Variants in WDR33 observed in about 807,000 individuals in gnomAD.
WDR33 encodes pre-mRNA 3' end processing protein WDR33.
Under a neutral mutation model 164.9 loss-of-function variants are expected in WDR33, and 47 were observed. That is an observed-to-expected ratio of 0.29 (90% CI 0.23 to 0.36). WDR33 has a LOEUF of 0.36. Ranked by LOEUF, WDR33 falls within the 10% of genes least tolerant of loss-of-function variation. The probability of loss-of-function intolerance (pLI) is 1.00; values close to 1 mark genes in which losing one functional copy is unlikely to be tolerated. For synonymous variants in WDR33, 505 were observed against 589.0 expected (o/e 0.86, Z 2.06); for missense variants, 1,137 against 1,754.1 (o/e 0.65, Z 6.28).
chr2:127,775,479 G>T (rs79662311), intron 1 of WDR33, among the ~76,000 whole-genome samples: 11,556 of 152,292 alleles, frequency 0.076, 456 homozygotes, highest in Non-Finnish European at 0.092. Flanking sequence ...GTGAGCCATC[G>T]TGCCTGGCCC....
rs1244177586 is a variant in WDR33 at position 127,724,992 on chromosome 2, C to T, written c.1007-27G>A. The T allele has an allele frequency of 1.9e-6, 3 of 1,614,158 alleles. No homozygotes were observed. In the Admixed American group the frequency reaches 5.0e-5, roughly 27 times the overall value. ...TGCAGAACAAAAACATGGGAAAAGA[C>T]ACAATTATCAGGATCTGAGAATGTT... On this transcript the variant is annotated intron_variant, in intron 9 of 21. Transcript: ENST00000322313. The surrounding 1 kb of genome is among the most constrained non-coding windows in gnomAD (Gnocchi z 4.8).
chr2:127,717,032 C>A lies in WDR33; in HGVS notation c.2869+123G>T. ...AAAGCTCCTACCTGAATGACCACAC[C>A]CTTATTTTGCCCAGAGGTTCAAATG... On this transcript the variant is annotated intron_variant, in intron 17 of 21. Transcript: ENST00000322313. The surrounding 1 kb of genome is among the most constrained non-coding windows in gnomAD (Gnocchi z 5.6). 2 of 965,274 alleles carry A rather than the reference C, an allele frequency of 2.1e-6. No homozygotes were observed. The highest frequency in any genetic ancestry group is 1.5e-5 in the South Asian group (1 of 68,964). 59.8% of individuals were successfully genotyped at this position (965,274 alleles called of 1,614,324 possible). A position where few individuals can be genotyped will look rare whatever the true frequency, so the allele number is the denominator to read the frequency against.
intron 1 of WDR33, chr2:127,810,680 T>A (rs1379571996): frequency 1.3e-5 from 2 of 152,238 alleles, no homozygotes; most frequent in African/African-American, 4.8e-5. Context: ...TTCTTTCCAC[T>A]CCCGCCCCAA....
chr2:127,747,701 C>T (rs756123867), intron 7 of WDR33, among the ~76,000 whole-genome samples: 6 of 152,142 alleles, frequency 3.9e-5, no homozygotes, highest in South Asian at 2.1e-4. Context: ...CCAATTGCTC[C>T]GTTTTGTAAA....
In WDR33 at chr2:127,718,568, T is replaced by C. The variant is rs1686350423; in HGVS notation, c.2760+697A>G. ...GAGCTCAGCGCATGAGCAATAAAAA[T>C]TGGCTAACAAAAACAGAATCCTCAA... On this transcript the variant is annotated intron_variant, in intron 16 of 21. Transcript: ENST00000322313. This position sits in a 1 kb window ranked among gnomAD's most constrained non-coding sequence, Gnocchi z 4.4. Among the ~76,000 whole-genome samples the C allele has an allele frequency of 1.3e-5, 2 of 152,126 alleles. No individual in the cohort carries two copies. The highest frequency in any genetic ancestry group is 4.8e-5 in the African/African-American group (2 of 41,422).
In WDR33 at chr2:127,763,137, A is replaced by C; in HGVS notation, c.649T>G (p.Phe217Val). Residue 217 changes from phenylalanine (F) to valine (V), a missense_variant, in exon 7 of 22, where the codon TTT (phenylalanine) becomes GTT (valine). Around this residue, in one of 9 missense-constraint regions of WDR33, gnomAD observed 83 missense variants for 189.2 expected, o/e 0.44. Transcript: ENST00000322313. The surrounding 1 kb of genome is among the most constrained non-coding windows in gnomAD (Gnocchi z 4.5). ...EASFSPTDNK[F>V]ATCSDDGTVR... ...GTGCCGTCATCAGAGCATGTAGCAA[A>C]TTTATTATCCGTGGGTGAGAAACTG... 1.2e-6 allele frequency: 2 copies of C among 1,614,082 alleles called. No homozygotes were observed. The highest frequency in any genetic ancestry group is 1.7e-6 in the Non-Finnish European group (2 of 1,179,928).
intron 1 of WDR33, among the ~76,000 whole-genome samples, chr2:127,802,536 C>T (rs1689290607): frequency 6.6e-6 from 1 of 152,130 alleles, no homozygotes; most frequent in African/African-American, 2.4e-5. Context: ...CCCCCCTCGG[C>T]CTCCCAAAGT....
intron 1 of WDR33, among the ~76,000 whole-genome samples, chr2:127,793,704 A>G (rs987472586): frequency 9.9e-5 from 15 of 152,130 alleles, no homozygotes; most frequent in Non-Finnish European, 1.9e-4. Flanking sequence ...TCATGCCACT[A>G]TACTCCAGCC....
At chr2:127,758,263 A>T (rs775647931) in intron 7 of WDR33, among the ~76,000 whole-genome samples, 1 of 152,192 alleles carries the variant, frequency 6.6e-6, no homozygotes, top group South Asian at 2.1e-4. Context: ...AATTCTGTCA[A>T]TTACAGCTTA....
intron 1 of WDR33, among the ~76,000 whole-genome samples, chr2:127,776,295 C>T (rs1022379899): frequency 7.2e-5 from 11 of 152,198 alleles, no homozygotes; most frequent in African/African-American, 2.4e-4. Flanking sequence ...CTCAGACTTT[C>T]AGCCTCCAGA....
At chr2:127,782,727 G>A (rs1046172143) in intron 1 of WDR33, among the ~76,000 whole-genome samples, 3 of 152,050 alleles carry the variant, frequency 2.0e-5, no homozygotes, top group Non-Finnish European at 4.4e-5. Context: ...TATACAGCAG[G>A]AGCCAGGAGC....
Position 127,769,005 on chromosome 2 carries a change from T to TTGAA in WDR33, c.205-5_205-4insTTCA. On this transcript the variant is annotated splice_region_variant and splice_polypyrimidine_tract_variant and intron_variant, in intron 2 of 21. Transcript: ENST00000322313. ...GGTCTCTTTGCCATATTCTGTTCTG[T>TTGAA]TAAATAAATAAATAAATAAATAAAT... is the stretch of plus-strand genomic sequence containing the variant. 1.1e-6 allele frequency: 1 copy of TTGAA among 911,378 alleles called. No homozygotes were observed. The highest frequency in any genetic ancestry group is 1.5e-6 in the Non-Finnish European group (1 of 660,694). The allele number at this position is 911,378 out of a possible 1,614,324, so 56.5% of individuals were successfully genotyped here.
At chr2:127,737,133 T>C in intron 7 of WDR33, 1 of 985,452 alleles carries the variant, frequency 1.0e-6, no homozygotes, top group South Asian at 4.7e-5. Context: ...TTTACATTTT[T>C]TTAAAGGCTA....
intron 1 of WDR33, among the ~76,000 whole-genome samples, chr2:127,788,237 G>A (rs1429174280): frequency 7.4e-6 from 1 of 135,954 alleles, no homozygotes; most frequent in Non-Finnish European, 1.6e-5. Context: ...CGGCTGGCCA[G>A]GCAGGGGGCT....
chr2:127,803,417 T>C (rs1274759431), intron 1 of WDR33, among the ~76,000 whole-genome samples: 3 of 151,902 alleles, frequency 2.0e-5, no homozygotes, highest in Non-Finnish European at 4.4e-5. Flanking sequence ...CCATCTCTAC[T>C]AAAAATACAA....
In WDR33 at chr2:127,759,626, G is replaced by A. The variant is rs569585768; in HGVS notation, c.724+3436C>T. ...GACTCACTTGAACCCGAGAGGCGGA[G>A]GTTGCAGTGAGCCAAGATCACACCA... On this transcript the variant is annotated intron_variant, in intron 7 of 21. Coordinates refer to ENST00000322313, the MANE Select transcript of WDR33 (RefSeq NM_018383.5). Among the ~76,000 whole-genome samples the A allele has an allele frequency of 2.0e-5, 3 of 152,274 alleles. No individual in the cohort carries two copies. The East Asian group carries it at 5.8e-4, about 29-fold the overall frequency.
At chr2:127,794,849 A>AAAAAAAAG (rs1553481251) in intron 1 of WDR33, among the ~76,000 whole-genome samples, 64 of 142,726 alleles carry the variant, frequency 4.5e-4, no homozygotes, top group Non-Finnish European at 8.1e-4. Flanking sequence ...AAAAAAAAAA[A>AAAAAAAAG]AAAGAAAGAA....
chr2:127,737,344 C>G (rs1224993280), intron 7 of WDR33: 6 of 985,266 alleles, frequency 6.1e-6, no homozygotes, highest in Non-Finnish European at 7.2e-6. Flanking sequence ...AAAGAGTACT[C>G]TGAGGTGTGT....
In WDR33 at chr2:127,703,655, AG is replaced by A. The variant is rs1281504377; in HGVS notation, c.*2667del. Reference sequence around the variant, plus strand: ...AGGCTGCTTGTGAGAGAGCAAATGCAGTATCTTCAGAATGATTTATTTTTTT... The same window carrying A: ...AGGCTGCTTGTGAGAGAGCAAATGCATATCTTCAGAATGATTTATTTTTTT... On this transcript the variant is annotated 3_prime_UTR_variant, in exon 22 of 22. Transcript: ENST00000322313. The A allele has an allele frequency of 6.0e-6, 1 of 167,130 alleles. No individual in the cohort carries two copies. The highest frequency in any genetic ancestry group is 1.5e-5 in the Non-Finnish European group (1 of 68,130). The allele number at this position is 167,130 out of a possible 1,614,324, so 10.4% of individuals were successfully genotyped here. A position where few individuals can be genotyped will look rare whatever the true frequency, so the allele number is the denominator to read the frequency against.
Sources: allele counts gnomAD v4.1 joint callset (sites outside exome capture counted in the v4.1 genomes callset), GRCh38; gene constraint gnomAD v4.1.1; regional missense constraint gnomAD v4.1.1; non-coding constraint Gnocchi (gnomAD v3.1); transcripts MANE v1.5; gene names NCBI Gene and HGNC (gene_info 2026-07-23, HGNC 2026-07-21).